Variants in ZNF385D observed in about 807,000 individuals in gnomAD.
ZNF385D encodes the protein zinc finger protein 659.
Under a neutral mutation model 35.8 loss-of-function variants are expected in ZNF385D, and 15 were observed. The observed-to-expected ratio is 0.42, with a 90% confidence interval of 0.28 to 0.64. ZNF385D has a LOEUF of 0.64. Ranked by LOEUF, ZNF385D falls within the 30% of genes least tolerant of loss-of-function variation. The probability of loss-of-function intolerance (pLI) is 0.23; values close to 1 mark genes in which losing one functional copy is unlikely to be tolerated. For synonymous variants in ZNF385D, 212 were observed against 186.8 expected (o/e 1.13, Z -1.10); for missense variants, 474 against 494.6 (o/e 0.96, Z 0.39).
At chr3:22,003,790 C>G (rs191300511) in intron 3 of ZNF385D, among the ~76,000 whole-genome samples, 2 of 151,750 alleles carry the variant, frequency 1.3e-5, no homozygotes, top group East Asian at 3.9e-4. Flanking sequence ...TTGCTTGAAC[C>G]TAGGGGGCAG....
chr3:22,151,935 G>A lies in ZNF385D; in HGVS notation c.325+16882C>T, dbSNP rs1323755994. On this transcript the variant is annotated intron_variant, in intron 3 of 5. Transcript: ENST00000494108. ...GGGCAACATAGGAGTTTCTTGTACA[G>A]GTTATTTAATCACTCAGGCACTAAG... Among the ~76,000 whole-genome samples, 3 of 152,092 alleles carry A rather than the reference G, an allele frequency of 2.0e-5. No homozygotes were observed. In the East Asian group the frequency reaches 5.8e-4, roughly 29 times the overall value.
chr3:21,617,046 G>A (rs1456379865), intron 2 of ZNF385D, among the ~76,000 whole-genome samples: 1 of 152,104 alleles, frequency 6.6e-6, no homozygotes, highest in East Asian at 1.9e-4. Context: ...TAAAATACAA[G>A]CCTCAGAGCC....
intron 1 of ZNF385D, among the ~76,000 whole-genome samples, chr3:21,730,945 T>C (rs1196491674): frequency 3.9e-5 from 6 of 152,236 alleles, no homozygotes; most frequent in Admixed American, 6.5e-5. Context: ...GGCTCACTTT[T>C]GTTGTTTCCA....
At chr3:21,849,683 C>T (rs1408994084) in intron 3 of ZNF385D, 2 of 134,370 alleles carry the variant, frequency 1.5e-5, no homozygotes, top group Non-Finnish European at 3.1e-5. Context: ...CTCATATCTT[C>T]TAATGCAGAT....
chr3:21,722,208 T>G (rs894200528), intron 1 of ZNF385D, among the ~76,000 whole-genome samples: 1 of 152,142 alleles, frequency 6.6e-6, no homozygotes, highest in Non-Finnish European at 1.5e-5. Flanking sequence ...CCCAGCAAAG[T>G]TGCTGTTTCT....
At chr3:21,740,514 G>C (rs865873542) in intron 1 of ZNF385D, among the ~76,000 whole-genome samples, 5 of 152,046 alleles carry the variant, frequency 3.3e-5, no homozygotes, top group Non-Finnish European at 5.9e-5. Context: ...ACTTCTTTTG[G>C]GTACCAGCTC....
intron 2 of ZNF385D, among the ~76,000 whole-genome samples, chr3:22,278,778 T>G (rs1701564672): frequency 6.6e-6 from 1 of 152,138 alleles, no homozygotes; most frequent in South Asian, 2.1e-4. Context: ...TGAAGTATTC[T>G]CTTGGTTAAG....
At chr3:21,684,801 A>G (rs1575458447) in intron 1 of ZNF385D, among the ~76,000 whole-genome samples, 1 of 152,300 alleles carries the variant, frequency 6.6e-6, no homozygotes, top group South Asian at 2.1e-4. Context: ...CTAGTTAAGA[A>G]TGTCACATTT....
intron 3 of ZNF385D, among the ~76,000 whole-genome samples, chr3:22,072,127 T>A (rs1700259043): frequency 6.6e-6 from 1 of 152,044 alleles, no homozygotes; most frequent in Non-Finnish European, 1.5e-5. Context: ...AGAAACAGAA[T>A]CATGAGATTA....
chr3:22,277,475 C>A (rs1701485378), intron 2 of ZNF385D, among the ~76,000 whole-genome samples: 1 of 152,008 alleles, frequency 6.6e-6, no homozygotes, highest in African/African-American at 2.4e-5. Flanking sequence ...TTCAAGAAAG[C>A]AGCAGAAGAA....
intron 3 of ZNF385D, among the ~76,000 whole-genome samples, chr3:22,005,908 G>A (rs1018599832): frequency 6.6e-6 from 1 of 152,070 alleles, no homozygotes; most frequent in Non-Finnish European, 1.5e-5. Flanking sequence ...TTATTTTTGA[G>A]TCTGTCTTCA....
intron 3 of ZNF385D, among the ~76,000 whole-genome samples, chr3:22,011,303 A>G (rs1696559731): frequency 6.6e-6 from 1 of 152,090 alleles, no homozygotes; most frequent in African/African-American, 2.4e-5. Context: ...CAGTATTCTT[A>G]TTTTAGAAAA....
chr3:22,017,041 C>G (rs186615595), intron 3 of ZNF385D, among the ~76,000 whole-genome samples: 68 of 151,924 alleles, frequency 4.5e-4, no homozygotes, highest in African/African-American at 1.4e-3. Context: ...AGTAGTCACT[C>G]TTTAAATTTT....
intron 2 of ZNF385D, among the ~76,000 whole-genome samples, chr3:22,176,348 T>A (rs1277538343): frequency 6.6e-6 from 1 of 152,160 alleles, no homozygotes; most frequent in Admixed American, 6.6e-5. Context: ...CTAAAAAGCA[T>A]TAATTGTTTT....
At chr3:21,807,932 T>G (rs1164069049) in intron 3 of ZNF385D, among the ~76,000 whole-genome samples, 1 of 152,206 alleles carries the variant, frequency 6.6e-6, no homozygotes, top group East Asian at 1.9e-4. Context: ...GGAAATTGTT[T>G]CTCTGATATT....
At chr3:21,875,772 C>A (rs190733774) in intron 3 of ZNF385D, among the ~76,000 whole-genome samples, 1 of 152,110 alleles carries the variant, frequency 6.6e-6, no homozygotes, top group African/African-American at 2.4e-5. Context: ...CTGTTGTCAT[C>A]TTCATTGTGA....
intron 3 of ZNF385D, among the ~76,000 whole-genome samples, chr3:21,978,006 C>G (rs1177186065): frequency 1.3e-5 from 2 of 152,162 alleles, no homozygotes; most frequent in African/African-American, 4.8e-5. Flanking sequence ...AAGGAAAGAA[C>G]TAGATACACC....
chr3:21,620,590 G>C (rs2064976167), intron 2 of ZNF385D, among the ~76,000 whole-genome samples: 1 of 152,130 alleles, frequency 6.6e-6, no homozygotes, highest in Non-Finnish European at 1.5e-5. Context: ...TTTAGCATCA[G>C]GTAGCACTGA....
chr3:21,901,182 A>T (rs867281751), intron 3 of ZNF385D, among the ~76,000 whole-genome samples: 23 of 152,212 alleles, frequency 1.5e-4, no homozygotes, highest in Middle Eastern at 3.2e-3. Flanking sequence ...TTAAAAGGCT[A>T]TGTTTAAGGT....
Sources: gnomAD v4.1 joint callset for allele counts (sites outside exome capture counted in the v4.1 genomes callset) on GRCh38, gnomAD v4.1.1 for gene constraint, MANE v1.5 for transcripts, NCBI Gene and HGNC (gene_info 2026-07-23, HGNC 2026-07-21) for gene names.